Variants in CDKL2 observed in about 807,000 individuals in gnomAD.
CDKL2 encodes cyclin-dependent kinase-like 2.
In CDKL2, 64 loss-of-function variants were observed where a neutral mutation model predicts 63.9. The observed-to-expected ratio is 1.00, with a 90% CI of 0.82 to 1.23. The LOEUF (loss-of-function observed/expected upper bound fraction) is 1.23, where lower values mean the gene tolerates loss of function less well. Ranked by LOEUF, CDKL2 falls within the 50% of genes most tolerant of loss-of-function variation. The probability of loss-of-function intolerance (pLI) is 0.00; values close to 1 mark genes in which losing one functional copy is unlikely to be tolerated. For missense variants in CDKL2, 656 were observed against 668.0 expected (o/e 0.98, Z 0.20); for synonymous variants, 211 against 229.2 (o/e 0.92, Z 0.72).
Position 75,578,011 on chromosome 4 carries a change from A to AC in CDKL2, c.*1190dup, listed in dbSNP as rs1553926554. ...TAGTTAAGGCAAAAAAAAAAAAAAA[A>AC]CTCACAAATTCTGGTTCCCTAAACA... On this transcript the variant is annotated 3_prime_UTR_variant, in exon 14 of 14. Transcript: ENST00000307465. 3 of 151,404 alleles carry AC rather than the reference A, an allele frequency of 2.0e-5. No homozygotes were observed. The highest frequency in any genetic ancestry group is 4.9e-5 in the African/African-American group (2 of 41,170). The allele number at this position is 151,404 out of a possible 1,614,324, so 9.4% of individuals were successfully genotyped here. A position where few individuals can be genotyped will look rare whatever the true frequency, so the allele number is the denominator to read the frequency against.
At chr4:75,595,408 T>C (rs1029797768) in intron 10 of CDKL2, among the ~76,000 whole-genome samples, 13 of 152,016 alleles carry the variant, frequency 8.6e-5, no homozygotes, top group Non-Finnish European at 1.8e-4. Flanking sequence ...AGAGACAGGA[T>C]CTTGCTATGT....
At chr4:75,616,508 C>CA (rs1175803160) in intron 2 of CDKL2, among the ~76,000 whole-genome samples, 1 of 151,432 alleles carries the variant, frequency 6.6e-6, no homozygotes, top group Non-Finnish European at 1.5e-5. Context: ...ACCAAAAATA[C>CA]AAAAAAATTA....
chr4:75,600,450 C>G, intron 6 of CDKL2, 81 bp from the exon 7 acceptor site: 2 of 950,766 alleles, frequency 2.1e-6, no homozygotes, highest in Non-Finnish European at 3.2e-6. Flanking sequence ...AAAAAATCCT[C>G]TTTATAGTCA....
chr4:75,624,966 TA>T (rs1386795995), intron 2 of CDKL2, among the ~76,000 whole-genome samples: 1 of 152,196 alleles, frequency 6.6e-6, no homozygotes, highest in Non-Finnish European at 1.5e-5. Context: ...AACACACTAA[TA>T]ATACTGTTTC....
chr4:75,597,020 G>T lies in CDKL2; in HGVS notation c.1237C>A (p.Pro413Thr). ...GCAGAAAGATTGTGTGTAAGTGGGG[G>T]AATTGCCACGCTTGGATTCCTTGTG... ...DHTRNPSVAI[P>T]PLTHNLSAVA... The change falls in exon 9 of 14, where the codon CCC (proline) becomes ACC (threonine). Residue 413 changes from proline to threonine, a missense_variant. By Grantham distance (38) the Pro-to-Thr change is conservative. Transcript: ENST00000307465. The T allele has an allele frequency of 3.1e-6, 5 of 1,614,144 alleles. No homozygotes were observed. The highest frequency in any genetic ancestry group is 4.2e-6 in the Non-Finnish European group (5 of 1,179,966).
intron 2 of CDKL2, among the ~76,000 whole-genome samples, chr4:75,619,559 G>A (rs1448562046): frequency 1.5e-5 from 2 of 131,556 alleles, no homozygotes; most frequent in East Asian, 5.1e-4. Flanking sequence ...CCCACATGGT[G>A]ATGGGCTCAC....
intron 2 of CDKL2, among the ~76,000 whole-genome samples, chr4:75,622,121 C>G (rs1411122413): frequency 6.6e-6 from 1 of 151,886 alleles, no homozygotes; most frequent in Non-Finnish European, 1.5e-5. Context: ...TCTAAAACAC[C>G]AGCAAAAGAA....
intron 12 of CDKL2, among the ~76,000 whole-genome samples, chr4:75,582,444 G>A (rs773564562): frequency 6.6e-6 from 1 of 152,146 alleles, no homozygotes; most frequent in Non-Finnish European, 1.5e-5. Flanking sequence ...AAAGTAAAAA[G>A]TCAGAGAACT....
At chr4:75,586,175 A>G (rs1324897911) in intron 12 of CDKL2, among the ~76,000 whole-genome samples, 1 of 152,146 alleles carries the variant, frequency 6.6e-6, no homozygotes, top group African/African-American at 2.4e-5. Flanking sequence ...AATAATTCAT[A>G]GGTGAGAGAA....
chr4:75,624,053 C>T (rs1730287032), intron 2 of CDKL2, among the ~76,000 whole-genome samples: 1 of 150,166 alleles, frequency 6.7e-6, no homozygotes, highest in African/African-American at 2.5e-5. Flanking sequence ...ATTGCTTGAA[C>T]CCAGGAGGCA....
rs920946195 is a variant in CDKL2 at position 75,603,864 on chromosome 4, C to T, written c.748G>A (p.Glu250Lys). The part of the protein sequence containing the change: ...LPEIKEREPL[E>K]RRYPKLSEVV... ...TCAGAGAGCTTAGGATAGCGTCTTT[C>T]AAGAGGTTCTCTTTCCTTGATTTCA... is the stretch of plus-strand genomic sequence containing the variant. Residue 250 changes from glutamate (E) to lysine (K), a missense_variant, in exon 6 of 14, where the codon GAA becomes AAA. Physicochemically the swap from Glu to Lys is moderately conservative, Grantham distance 56. Transcript: ENST00000307465. 1 of 1,613,214 alleles carries T rather than the reference C, an allele frequency of 6.2e-7. No homozygotes were observed. The highest frequency in any genetic ancestry group is 8.5e-7 in the Non-Finnish European group (1 of 1,179,610).
At chr4:75,588,666 A>G (rs1332745525) in intron 12 of CDKL2, among the ~76,000 whole-genome samples, 1 of 152,232 alleles carries the variant, frequency 6.6e-6, no homozygotes, top group Non-Finnish European at 1.5e-5. Flanking sequence ...ATGTATATAC[A>G]TATGTCTATG....
intron 1 of CDKL2, among the ~76,000 whole-genome samples, chr4:75,627,197 T>C (rs1297024039): frequency 6.9e-6 from 1 of 144,790 alleles, no homozygotes; most frequent in Non-Finnish European, 1.5e-5. Flanking sequence ...AGTGAGACTC[T>C]GTCTCAAAAA....
intron 2 of CDKL2, among the ~76,000 whole-genome samples, chr4:75,621,299 A>G (rs1730147353): frequency 6.7e-6 from 1 of 149,602 alleles, no homozygotes; most frequent in Admixed American, 6.7e-5. Context: ...TAACAGACAA[A>G]AAAAAAAAAA....
intron 3 of CDKL2, among the ~76,000 whole-genome samples, chr4:75,609,622 A>C (rs1729595625): frequency 6.8e-6 from 1 of 147,786 alleles, no homozygotes; most frequent in African/African-American, 2.5e-5. Flanking sequence ...TATATAAAAA[A>C]TATTATATAG....
rs543382183 is a variant in CDKL2 at position 75,615,943 on chromosome 4, T to G, written c.169-1494A>C. 7.2e-5 allele frequency among the ~76,000 whole-genome samples: 11 copies of G among 152,320 alleles called. No homozygotes were observed. The South Asian group carries it at 2.1e-3, about 29-fold the overall frequency. On this transcript the variant is annotated intron_variant, in intron 2 of 13. Transcript: ENST00000307465. ...GAGTTGGAGGCTGCAATGAGTGTGG[T>G]GAGCCATGATCATGCCACTGCACTT...
chr4:75,614,415 TC>T lies in CDKL2; in HGVS notation c.202del (p.Glu68LysfsTer11). The T allele has an allele frequency of 6.4e-7, 1 of 1,571,172 alleles. No individual in the cohort carries two copies. Among genetic ancestry groups the T allele is most frequent in the Non-Finnish European group, 8.7e-7 (1 of 1,155,080 alleles). On this transcript the variant is annotated frameshift_variant, in exon 3 of 14. Transcript: ENST00000307465. LOFTEE classifies it high-confidence loss of function. Reference sequence around the variant, plus strand: ...CCATCGTTTTTTTTTCTTACACACTTCCAAGAGATTCACCAAGTTTTCATGC... The same window carrying T: ...CCATCGTTTTTTTTTCTTACACACTTCAAGAGATTCACCAAGTTTTCATGC... ...LRHENLVNLL[E>X]VCKKKKRWYL... is the part of the protein sequence containing the mutation.
rs56002333 is a variant in CDKL2, at chr4:75,618,239, CTTTTTTTTT to C, written c.169-3799_169-3791del. ...CAGACCAGGCCTCCAATTGAAAATTCTTTTTTTTTTTTTTTTTTTTTTTTTTTTTGAGAC... is the reference window on the plus strand; with the variant it reads ...CAGACCAGGCCTCCAATTGAAAATTCTTTTTTTTTTTTTTTTTTTTGAGAC... On this transcript the variant is annotated intron_variant, in intron 2 of 13. Coordinates refer to ENST00000307465, the MANE Select transcript of CDKL2 (RefSeq NM_001330724.2). Among the ~76,000 whole-genome samples the C allele has an allele frequency of 2.5e-3, 135 of 52,944 alleles. 1 individual carries two copies. Among genetic ancestry groups the C allele is most frequent in the African/African-American group, 9.9e-3 (127 of 12,864 alleles). The allele number at this position is 52,944 out of a possible 152,430, so 34.7% of individuals were successfully genotyped here. A position where few individuals can be genotyped will look rare whatever the true frequency, so the allele number is the denominator to read the frequency against.
intron 1 of CDKL2, among the ~76,000 whole-genome samples, chr4:75,628,003 TTAATG>T (rs1273266904): frequency 6.6e-6 from 1 of 151,436 alleles, no homozygotes; most frequent in Non-Finnish European, 1.5e-5. Flanking sequence ...TTTATTAAAT[TTAATG>T]TAATTATTAA....
Sources: allele counts gnomAD v4.1 joint callset (sites outside exome capture counted in the v4.1 genomes callset), GRCh38; gene constraint gnomAD v4.1.1; transcripts MANE v1.5; gene names NCBI Gene and HGNC (gene_info 2026-07-23, HGNC 2026-07-21).